PRKN: variants seen among roughly 807,000 people sequenced by gnomAD.
PRKN encodes parkin RBR E3 ubiquitin protein ligase, also known as E3 ubiquitin-protein ligase parkin.
In PRKN, 56 loss-of-function variants were observed where a neutral mutation model predicts 59.5. The observed-to-expected ratio is 0.94, with a 90% CI of 0.76 to 1.18. The LOEUF (loss-of-function observed/expected upper bound fraction) is 1.18, where lower values mean the gene tolerates loss of function less well. Ranked by LOEUF, PRKN falls within the 50% of genes most tolerant of loss-of-function variation. PRKN has a pLI of 0.00. For missense variants in PRKN, 657 were observed against 596.4 expected (o/e 1.10, Z -1.06); for synonymous variants, 250 against 222.1 (o/e 1.13, Z -1.12).
At chr6:161,753,326 T>C (rs578249869) in intron 7 of PRKN, among the ~76,000 whole-genome samples, 5 of 152,118 alleles carry the variant, frequency 3.3e-5, no homozygotes, top group East Asian at 1.9e-4. Flanking sequence ...TGGAAGCCCA[T>C]AGTAAGCACG....
intron 2 of PRKN, among the ~76,000 whole-genome samples, chr6:162,347,336 ATTTTT>A (rs11298277): frequency 6.6e-6 from 1 of 150,476 alleles, no homozygotes; most frequent in Non-Finnish European, 1.5e-5. Context: ...AGTATATAGA[ATTTTT>A]TTTTTATTTT....
intron 2 of PRKN, among the ~76,000 whole-genome samples, chr6:162,363,357 T>TA (rs1785254092): frequency 8.9e-6 from 1 of 112,056 alleles, no homozygotes; most frequent in Admixed American, 8.6e-5. Flanking sequence ...GTGTTACTAC[T>TA]AACCCCCTTT....
intron 10 of PRKN, among the ~76,000 whole-genome samples, chr6:161,366,938 G>C (rs992486593): frequency 7.1e-6 from 1 of 141,456 alleles, no homozygotes; most frequent in Non-Finnish European, 1.6e-5. Flanking sequence ...ATTAAACTCT[G>C]CTAGATTTAA....
At chr6:161,737,785 TC>T (rs1788025760) in intron 7 of PRKN, among the ~76,000 whole-genome samples, 1 of 152,154 alleles carries the variant, frequency 6.6e-6, no homozygotes, top group African/African-American at 2.4e-5. Flanking sequence ...GAGATGGCAC[TC>T]AAAAAGCAAT....
At position 161,561,932 on chromosome 6, in the gene PRKN, T is replaced by C. The variant is rs192054415; in HGVS notation, c.933+7423A>G. Reference sequence around the variant, plus strand: ...CATCCCCCAAAACTGCTCATTATGGTCATTCGTGACTTTTGCCACAGTGTC... The same window carrying C: ...CATCCCCCAAAACTGCTCATTATGGCCATTCGTGACTTTTGCCACAGTGTC... On this transcript the variant is annotated intron_variant, in intron 8 of 11. Transcript: ENST00000366898. The surrounding 1 kb of genome is among the most constrained non-coding windows in gnomAD (Gnocchi z 5.0). Among the ~76,000 whole-genome samples, 1 of 152,078 alleles carries C rather than the reference T, an allele frequency of 6.6e-6. No individual in the cohort carries two copies. The highest frequency in any genetic ancestry group is 2.4e-5 in the African/African-American group (1 of 41,390).
chr6:162,359,079 A>AATATATATATATATATATATATATAT (rs1554304695), intron 2 of PRKN, among the ~76,000 whole-genome samples: 11 of 83,238 alleles, frequency 1.3e-4, no homozygotes, highest in African/African-American at 5.9e-4. Context: ...AAAAAAAAAA[A>AATATATATATATATATATATATATAT]ATATATATAT....
intron 2 of PRKN, among the ~76,000 whole-genome samples, chr6:162,332,272 T>C (rs1310711881): frequency 1.3e-5 from 2 of 152,160 alleles, no homozygotes; most frequent in East Asian, 1.9e-4. Context: ...CCAAAACCAG[T>C]GAGAGACAAG....
At position 161,423,567 on chromosome 6, in the gene PRKN, A is replaced by G. The variant is rs1788199638; in HGVS notation, c.1084-36690T>C. On this transcript the variant is annotated intron_variant, in intron 9 of 11. Transcript: ENST00000366898. The surrounding 1 kb of genome is among the most constrained non-coding windows in gnomAD (Gnocchi z 5.9). ...TGATTTGGGGCCAATGACAAGCAAGACATTTACAGATTTAGATGACTTGTC... is the reference window on the plus strand; with the variant it reads ...TGATTTGGGGCCAATGACAAGCAAGGCATTTACAGATTTAGATGACTTGTC... Among the ~76,000 whole-genome samples, 1 of 152,184 alleles carries G rather than the reference A, an allele frequency of 6.6e-6. No individual in the cohort carries two copies. The highest frequency in any genetic ancestry group is 1.5e-5 in the Non-Finnish European group (1 of 68,038).
At chr6:161,891,041 TAAC>T (rs1288158394) in intron 6 of PRKN, among the ~76,000 whole-genome samples, 1 of 152,108 alleles carries the variant, frequency 6.6e-6, no homozygotes, top group Non-Finnish European at 1.5e-5. Flanking sequence ...AAGCGGGAAA[TAAC>T]AACAATAACA....
chr6:161,662,234 T>A (rs1243637856), intron 7 of PRKN, among the ~76,000 whole-genome samples: 6 of 152,056 alleles, frequency 3.9e-5, no homozygotes, highest in Non-Finnish European at 8.8e-5. Context: ...GAATGTGCTA[T>A]TTTGCGATGA....
intron 1 of PRKN, among the ~76,000 whole-genome samples, chr6:162,672,685 AGTGT>A (rs56722608): frequency 0.2 from 29,496 of 148,976 alleles, 4,435 homozygotes; most frequent in African/African-American, 0.42. Flanking sequence ...TTGGGGGAAA[AGTGT>A]GTGTGTGTGT....
At chr6:162,484,367 G>A (rs1019761154) in intron 1 of PRKN, among the ~76,000 whole-genome samples, 2 of 152,152 alleles carry the variant, frequency 1.3e-5, no homozygotes, top group East Asian at 1.9e-4. Flanking sequence ...GGGGGTCTCC[G>A]TGGGGCTGAC....
chr6:161,618,675 G>A (rs1478619424), intron 7 of PRKN, among the ~76,000 whole-genome samples: 1 of 152,120 alleles, frequency 6.6e-6, no homozygotes, highest in Non-Finnish European at 1.5e-5. Context: ...AGTTCCATAA[G>A]AGCTGCCCCA....
At chr6:161,643,813 T>C (rs1225974413) in intron 7 of PRKN, among the ~76,000 whole-genome samples, 3 of 152,228 alleles carry the variant, frequency 2.0e-5, no homozygotes, top group African/African-American at 7.2e-5. Context: ...AAAACTTTCA[T>C]ATTAGGCATA....
Position 161,446,391 on chromosome 6 carries a change from C to A in PRKN, c.1084-59514G>T, listed in dbSNP as rs142147800. ...GGGAGATGCCAGCAGACACTGAGAC[C>A]CAAAGGGGCCTGGCTTGGGACCTAT... On this transcript the variant is annotated intron_variant, in intron 9 of 11. Coordinates refer to ENST00000366898, the MANE Select transcript of PRKN (RefSeq NM_004562.3). This position sits in a 1 kb window ranked among gnomAD's most constrained non-coding sequence, Gnocchi z 6.2. Among the ~76,000 whole-genome samples the A allele has an allele frequency of 8.7e-4, 133 of 152,112 alleles. 1 individual carries two copies. Among genetic ancestry groups the A allele is most frequent in the African/African-American group, 2.9e-3 (122 of 41,502 alleles).
chr6:161,490,108 G>A (rs1296101825), intron 9 of PRKN, among the ~76,000 whole-genome samples: 3 of 152,154 alleles, frequency 2.0e-5, no homozygotes, highest in Non-Finnish European at 2.9e-5. Context: ...ATACAATGAC[G>A]TAAGCATTTT....
chr6:161,469,601 G>C (rs1422960581), intron 9 of PRKN, among the ~76,000 whole-genome samples: 1 of 151,854 alleles, frequency 6.6e-6, no homozygotes, highest in Non-Finnish European at 1.5e-5. Flanking sequence ...AAGAGAGAGA[G>C]ATTGAAACCT....
chr6:161,645,519 A>G (rs1562580011), intron 7 of PRKN, among the ~76,000 whole-genome samples: 1 of 152,254 alleles, frequency 6.6e-6, no homozygotes, highest in African/African-American at 2.4e-5. Flanking sequence ...CGTTTATAAA[A>G]TGAAAATTCT....
chr6:162,359,924 T>C (rs1358111750), intron 2 of PRKN, among the ~76,000 whole-genome samples: 1 of 152,226 alleles, frequency 6.6e-6, no homozygotes, highest in Non-Finnish European at 1.5e-5. Flanking sequence ...CGAAAATCTT[T>C]TATAATTGGC....
Sources: allele counts gnomAD v4.1 joint callset (sites outside exome capture counted in the v4.1 genomes callset), GRCh38; gene constraint gnomAD v4.1.1; non-coding constraint Gnocchi (gnomAD v3.1); transcripts MANE v1.5; gene names NCBI Gene and HGNC (gene_info 2026-07-23, HGNC 2026-07-21).